The following PEAK1 variants were observed in gnomAD, a reference collection of about 807,000 sequenced individuals.
The protein encoded by PEAK1 is inactive tyrosine-protein kinase PEAK1.
A neutral mutation model predicts 124.7 loss-of-function variants in PEAK1; 54 were observed. The observed-to-expected ratio is 0.43, with a 90% CI of 0.35 to 0.54. PEAK1 has a LOEUF of 0.54. Ranked by LOEUF, PEAK1 falls within the 20% of genes least tolerant of loss-of-function variation. The pLI is 0.01. For synonymous variants in PEAK1, 719 were observed against 760.0 expected, an observed-to-expected ratio of 0.95 and a Z score of 0.89; for missense variants, 2,046 against 2,134.5, an observed-to-expected ratio of 0.96 and a Z score of 0.82.
chr15:77,366,376 A>C lies in PEAK1; in HGVS notation c.-665-1151T>G, dbSNP rs529122315. Among the ~76,000 whole-genome samples, 15 of 152,290 alleles carry C rather than the reference A, an allele frequency of 9.8e-5. No individual in the cohort carries two copies. The East Asian group carries it at 2.9e-3, about 29-fold the overall frequency. On this transcript the variant is annotated intron_variant, in intron 1 of 9. Coordinates refer to ENST00000682557, the MANE Select transcript of PEAK1 (RefSeq NM_001385026.1). ...TAGACATGTAACATGAGCAAGAAAT[A>C]AACTTTGTTGTATTATGCAACTGAG...
At chr15:77,382,201 C>T (rs141587737) in intron 1 of PEAK1, among the ~76,000 whole-genome samples, 2 of 152,276 alleles carry the variant, frequency 1.3e-5, no homozygotes, top group East Asian at 3.9e-4. Context: ...CAAAGAGCTT[C>T]CTTCAGGGAT....
chr15:77,372,244 T>C (rs2068694546), intron 1 of PEAK1, among the ~76,000 whole-genome samples: 1 of 152,212 alleles, frequency 6.6e-6, no homozygotes, highest in African/African-American at 2.4e-5. Flanking sequence ...CATGTACAAA[T>C]ATAACCTTAA....
intron 2 of PEAK1, chr15:77,334,738 T>C: frequency 6.2e-6 from 6 of 975,110 alleles, no homozygotes; most frequent in Non-Finnish European, 7.2e-6. Flanking sequence ...TTGCTGTTTG[T>C]ACAATACATT....
chr15:77,322,646 C>T (rs549885654), intron 2 of PEAK1, among the ~76,000 whole-genome samples: 159 of 152,080 alleles, frequency 1.0e-3, no homozygotes, highest in Non-Finnish European at 1.8e-3. Context: ...AATAGCTTAC[C>T]AACCAAAAAA....
chr15:77,259,927 G>C lies in PEAK1; in HGVS notation c.-274-7401C>G, dbSNP rs149179083. Among the ~76,000 whole-genome samples, 223 of 152,248 alleles carry C rather than the reference G, an allele frequency of 1.5e-3. 6 individuals carry two copies. In the East Asian group the frequency reaches 0.03, roughly 20 times the overall value. On this transcript the variant is annotated intron_variant, in intron 5 of 9. Transcript: ENST00000682557. The stretch of plus-strand genomic sequence containing the variant: ...ATGGAGCAGAATTCCAGAGAAGAGG[G>C]AGACAGCTAAAGTAATCTGAATAAG...
At chr15:77,284,745 T>G (rs2062833818) in intron 4 of PEAK1, among the ~76,000 whole-genome samples, 1 of 152,140 alleles carries the variant, frequency 6.6e-6, no homozygotes, top group South Asian at 2.1e-4. Context: ...TTGTTTGGTT[T>G]GTGTAATATT....
chr15:77,214,678 C>A (rs1463941692), intron 6 of PEAK1, among the ~76,000 whole-genome samples: 1 of 151,700 alleles, frequency 6.6e-6, no homozygotes, highest in Non-Finnish European at 1.5e-5. Context: ...GTTCTGCAGG[C>A]CGTACAGGTT....
At chr15:77,328,606 C>T (rs564281415) in intron 2 of PEAK1, among the ~76,000 whole-genome samples, 3 of 152,128 alleles carry the variant, frequency 2.0e-5, no homozygotes, top group Non-Finnish European at 4.4e-5. Context: ...ATAATGTAGT[C>T]TGATTGGTGA....
intron 2 of PEAK1, among the ~76,000 whole-genome samples, chr15:77,313,708 A>ATGTATGTGTG (rs1402548917): frequency 1.6e-4 from 15 of 93,746 alleles, no homozygotes; most frequent in African/African-American, 5.9e-4. Context: ...ATATATATGT[A>ATGTATGTGTG]TGTGTGTGTG....
intron 1 of PEAK1, among the ~76,000 whole-genome samples, chr15:77,399,134 A>G (rs2071140875): frequency 6.6e-6 from 1 of 152,140 alleles, no homozygotes; most frequent in Admixed American, 6.5e-5. Flanking sequence ...GGGAAGATAT[A>G]CCATGTTCAT....
chr15:77,385,424 T>G (rs998323855), intron 1 of PEAK1, among the ~76,000 whole-genome samples: 1 of 152,196 alleles, frequency 6.6e-6, no homozygotes, highest in Admixed American at 6.5e-5. Flanking sequence ...AACTTCAGAT[T>G]AAAATGTCAG....
chr15:77,358,091 G>A (rs984983478), intron 2 of PEAK1, among the ~76,000 whole-genome samples: 3 of 152,072 alleles, frequency 2.0e-5, no homozygotes, highest in African/African-American at 7.2e-5. Context: ...AGCCATTCCC[G>A]GCAAATCTTA....
At chr15:77,177,911 A>G (rs1228060284) in intron 7 of PEAK1, 1 of 152,220 alleles carries the variant, frequency 6.6e-6, no homozygotes, top group Non-Finnish European at 1.5e-5. Context: ...GCAAAATTAT[A>G]AGGAGGATAC....
At chr15:77,331,135 ATTTAT>A in intron 2 of PEAK1, 1 of 549,594 alleles carries the variant, frequency 1.8e-6, no homozygotes, top group Non-Finnish European at 2.3e-6. Flanking sequence ...ATTTTTACTT[ATTTAT>A]TTATTTTGAG....
intron 2 of PEAK1, among the ~76,000 whole-genome samples, chr15:77,314,159 A>G (rs1032698350): frequency 6.6e-6 from 1 of 152,168 alleles, no homozygotes; most frequent in African/African-American, 2.4e-5. Context: ...GGTTTGTGTT[A>G]TAAGAGTTAA....
intron 1 of PEAK1, among the ~76,000 whole-genome samples, chr15:77,367,120 G>A (rs762581292): frequency 6.6e-6 from 1 of 152,136 alleles, no homozygotes; most frequent in Non-Finnish European, 1.5e-5. Context: ...GCGACCGGGC[G>A]AGACTCCATC....
intron 8 of PEAK1, among the ~76,000 whole-genome samples, chr15:77,145,348 T>C (rs949429595): frequency 1.3e-5 from 2 of 151,906 alleles, no homozygotes; most frequent in Non-Finnish European, 2.9e-5. Context: ...ATTCGGGAGG[T>C]TGAGGCATGA....
chr15:77,173,608 C>A (rs2056657981), intron 7 of PEAK1, among the ~76,000 whole-genome samples: 1 of 152,180 alleles, frequency 6.6e-6, no homozygotes, highest in Non-Finnish European at 1.5e-5. Context: ...CCTCTCCTTT[C>A]CCCATCAACC....
intron 2 of PEAK1, among the ~76,000 whole-genome samples, chr15:77,328,961 C>T (rs1442484743): frequency 6.6e-6 from 1 of 152,068 alleles, no homozygotes; most frequent in Admixed American, 6.6e-5. Context: ...TTAGTAGGCA[C>T]AGAAAGATAC....
Sources: gnomAD v4.1 joint callset for allele counts (sites outside exome capture counted in the v4.1 genomes callset) on GRCh38, gnomAD v4.1.1 for gene constraint, MANE v1.5 for transcripts, NCBI Gene and HGNC (gene_info 2026-07-23, HGNC 2026-07-21) for gene names.